Variants in SLC35D4 observed in about 807,000 individuals in gnomAD.
SLC35D4 encodes the protein UDP-N-acetylglucosamine transporter SLC35D4.
chr18:23,246,627 G>C, the SLC35D4 span, among the ~76,000 whole-genome samples: 7 of 151,360 alleles, frequency 4.6e-5, no homozygotes, highest in Admixed American at 6.6e-5. Flanking sequence ...TCCTGACCTT[G>C]TGATCCGCCC....
At chr18:23,418,140 C>T in the SLC35D4 span, among the ~76,000 whole-genome samples, 1 of 152,040 alleles carries the variant, frequency 6.6e-6, no homozygotes, top group Non-Finnish European at 1.5e-5. Flanking sequence ...ATTAAGGATA[C>T]TATATCATGA....
the SLC35D4 span, chr18:23,437,816 A>G: frequency 1.2e-6 from 2 of 1,612,874 alleles, no homozygotes; most frequent in African/African-American, 2.7e-5. Flanking sequence ...TAGCAGGTAC[A>G]AAAGGTGAGG....
chr18:23,413,007 T>G, the SLC35D4 span, among the ~76,000 whole-genome samples: 1 of 152,208 alleles, frequency 6.6e-6, no homozygotes, highest in Non-Finnish European at 1.5e-5. Context: ...AAGGACCATG[T>G]GACCACTGGG....
the SLC35D4 span, among the ~76,000 whole-genome samples, chr18:23,311,755 G>T: frequency 2.6e-5 from 4 of 152,058 alleles, no homozygotes; most frequent in Non-Finnish European, 5.9e-5. Flanking sequence ...TTAATATTTA[G>T]CTGTTTGAAG....
the SLC35D4 span, among the ~76,000 whole-genome samples, chr18:23,412,435 A>C: frequency 6.6e-6 from 1 of 152,236 alleles, no homozygotes; most frequent in Non-Finnish European, 1.5e-5. Context: ...GGATTTCTGC[A>C]TATTACATCA....
chr18:23,434,036 T>A, the SLC35D4 span, among the ~76,000 whole-genome samples: 26 of 152,190 alleles, frequency 1.7e-4, no homozygotes, highest in Middle Eastern at 3.2e-3. Context: ...TCTTCCCAGT[T>A]GGCCTCTACT....
the SLC35D4 span, among the ~76,000 whole-genome samples, chr18:23,330,337 C>G: frequency 2.0e-5 from 3 of 151,814 alleles, no homozygotes; most frequent in African/African-American, 7.3e-5. Context: ...GTCCCATAAG[C>G]TTTTTTTTCA....
chr18:23,430,592 T>C, the SLC35D4 span: 6 of 1,526,588 alleles, frequency 3.9e-6, 1 homozygote, highest in East Asian at 1.1e-4. Context: ...GGTTGGACAT[T>C]TCCTAAAAAT....
the SLC35D4 span, among the ~76,000 whole-genome samples, chr18:23,391,687 T>G: frequency 6.6e-6 from 1 of 152,118 alleles, no homozygotes; most frequent in Middle Eastern, 3.4e-3. Flanking sequence ...GAGATCTGGC[T>G]ATGTTGCTTA....
the SLC35D4 span, chr18:23,356,548 C>T: frequency 3.1e-6 from 5 of 1,597,864 alleles, no homozygotes; most frequent in Non-Finnish European, 4.3e-6. This position sits in a 1 kb window ranked among gnomAD's most constrained non-coding sequence, Gnocchi z 4.1. Flanking sequence ...GAGGAAGACA[C>T]AGCGGACAGC....
chr18:23,403,002 A>T, the SLC35D4 span, among the ~76,000 whole-genome samples: 1 of 152,090 alleles, frequency 6.6e-6, no homozygotes, highest in East Asian at 1.9e-4. Context: ...GCTACTCAGG[A>T]GGCTGAGGCA....
chr18:23,327,381 C>A, the SLC35D4 span, among the ~76,000 whole-genome samples: 1 of 151,982 alleles, frequency 6.6e-6, no homozygotes, highest in Non-Finnish European at 1.5e-5. Flanking sequence ...ACCACTGATC[C>A]CACAGAAATA....
chr18:23,373,101 G>A, the SLC35D4 span, among the ~76,000 whole-genome samples: 8 of 152,214 alleles, frequency 5.3e-5, no homozygotes, highest in Non-Finnish European at 8.8e-5. Flanking sequence ...ATCACTTGAG[G>A]TCAGGAGTTT....
At chr18:23,284,670 T>C in the SLC35D4 span, among the ~76,000 whole-genome samples, 21 of 152,236 alleles carry the variant, frequency 1.4e-4, no homozygotes, top group Non-Finnish European at 4.4e-5. Context: ...TAGTCACTCA[T>C]ATTGACTCAG....
chr18:23,332,159 C>A, the SLC35D4 span, among the ~76,000 whole-genome samples: 2 of 151,916 alleles, frequency 1.3e-5, no homozygotes, highest in African/African-American at 2.4e-5. Context: ...TCTTCCAAAG[C>A]CCTGGGATTA....
At chr18:23,356,471 C>T in the SLC35D4 span, 4 of 967,190 alleles carry the variant, frequency 4.1e-6, no homozygotes, top group Non-Finnish European at 6.4e-6. The surrounding 1 kb of genome is among the most constrained non-coding windows in gnomAD (Gnocchi z 4.1). Context: ...GCTTCCTTGC[C>T]TGCATCCACC....
the SLC35D4 span, among the ~76,000 whole-genome samples, chr18:23,286,698 A>G: frequency 0.013 from 1,924 of 148,878 alleles, 32 homozygotes; most frequent in East Asian, 0.058. Context: ...TAACTGTTGT[A>G]GGTATTGACG....
the SLC35D4 span, chr18:23,257,414 G>A: frequency 2.0e-6 from 3 of 1,537,340 alleles, no homozygotes; most frequent in Non-Finnish European, 2.6e-6. Context: ...CAGCTTGGTG[G>A]AGCAGCACTT....
chr18:23,351,599 G>A, the SLC35D4 span, among the ~76,000 whole-genome samples: 4 of 151,970 alleles, frequency 2.6e-5, no homozygotes, highest in Non-Finnish European at 5.9e-5. Context: ...ATTAATTAAG[G>A]AGGCTTACTC....
Sources: allele counts gnomAD v4.1 joint callset (sites outside exome capture counted in the v4.1 genomes callset), GRCh38; gene constraint gnomAD v4.1.1; non-coding constraint Gnocchi (gnomAD v3.1); transcripts MANE v1.5; gene names NCBI Gene and HGNC (gene_info 2026-07-23, HGNC 2026-07-21).